The following FGB variants were observed in gnomAD, a reference collection of about 807,000 sequenced individuals.
The protein encoded by FGB is fibrinogen beta chain, also known as beta-fibrinogen.
Under a neutral mutation model 57.9 loss-of-function variants are expected in FGB, and 25 were observed. The ratio of observed to expected loss-of-function variants is 0.43; its 90% CI spans 0.31 to 0.60. The LOEUF is 0.60. Ranked by LOEUF, FGB falls within the 20% of genes least tolerant of loss-of-function variation. FGB has a pLI of 0.08. For synonymous variants in FGB, 203 were observed against 199.2 expected (o/e 1.02, Z -0.16); for missense variants, 536 against 598.4 (o/e 0.90, Z 1.09).
intron 6 of FGB, 61 bp from the exon 7 acceptor site, chr4:154,569,453 G>A: frequency 6.3e-7 from 1 of 1,590,838 alleles, no homozygotes; most frequent in Non-Finnish European, 8.6e-7. Flanking sequence ...AGGGAAGAAA[G>A]GCAGTTTTTA....
intron 1 of FGB, 128 bp from the exon 2 acceptor site, chr4:154,565,680 C>A: frequency 1.1e-6 from 1 of 919,130 alleles, no homozygotes; most frequent in Non-Finnish European, 1.7e-6. Context: ...ACCAACCAGC[C>A]AGTTGATGGA....
rs933668280 is a variant in FGB at position 154,572,526 on chromosome 4, C to A, written c.*1876C>A. The stretch of plus-strand genomic sequence containing the variant: ...AAATAAAAGGCCTTGGTTCCTTGCA[C>A]ATCCTGAGTTCCAACGGACAGGCAG... On this transcript the variant is annotated 3_prime_UTR_variant, in exon 8 of 8. Coordinates refer to ENST00000302068, the MANE Select transcript of FGB (RefSeq NM_005141.5). Among the ~76,000 whole-genome samples the A allele has an allele frequency of 1.3e-5, 2 of 152,214 alleles. No individual in the cohort carries two copies. The highest frequency in any genetic ancestry group is 2.9e-5 in the Non-Finnish European group (2 of 68,044).
chr4:154,562,996 G>T, upstream of FGB: 1 of 1,177,484 alleles, frequency 8.5e-7, no homozygotes, highest in Non-Finnish European at 1.2e-6. Flanking sequence ...ATATAGGATT[G>T]AAGATCTCTC....
rs1416465317 is a variant in FGB, at chr4:154,569,781, A to G, written c.1226A>G (p.Asp409Gly). ...AACGGCATGTTCTTCAGCACGTATG[A>G]CAGAGACAATGACGGCTGGTATGTG... Reference protein sequence around the residue: ...IHNGMFFSTYDRDNDGWLTSD... With the variant: ...IHNGMFFSTYGRDNDGWLTSD... Residue 409 changes from aspartate to glycine, a missense_variant, in exon 7 of 8, where the codon GAC becomes GGC. Around this residue, in one of 3 missense-constraint regions of FGB, gnomAD observed 177 missense variants for 193.7 expected, o/e 0.91. Transcript: ENST00000302068. 3 of 1,614,076 alleles carry G rather than the reference A, an allele frequency of 1.9e-6. No homozygotes were observed. The highest frequency in any genetic ancestry group is 1.3e-5 in the African/African-American group (1 of 74,938).
Position 154,572,759 on chromosome 4 carries a change from G to A in FGB, c.*2109G>A, listed in dbSNP as rs1328781823. On this transcript the variant is annotated 3_prime_UTR_variant, in exon 8 of 8. Transcript: ENST00000302068. ...ATTTTGGAAATATGCATACACCCAT[G>A]ATATCACTGGCACAGTCAAGATATT... Among the ~76,000 whole-genome samples the A allele has an allele frequency of 6.6e-6, 1 of 152,120 alleles. No individual in the cohort carries two copies. Among genetic ancestry groups the A allele is most frequent in the Non-Finnish European group, 1.5e-5 (1 of 68,028 alleles).
At chr4:154,566,955 GA>G (rs1316936489) in intron 3 of FGB, among the ~76,000 whole-genome samples, 4 of 152,146 alleles carry the variant, frequency 2.6e-5, no homozygotes, top group Non-Finnish European at 4.4e-5. Flanking sequence ...TTACAGAGTG[GA>G]AAAAAACCCC....
rs1730419301 is a variant in FGB, at chr4:154,571,385, C to T, written c.*735C>T. On this transcript the variant is annotated 3_prime_UTR_variant, in exon 8 of 8. Transcript: ENST00000302068. ...GCGTGGTGGCAGGTGCCTGTAGTCC[C>T]AGCTACCTGTGAGGTGGAGATTGCA... 6.6e-6 allele frequency among the ~76,000 whole-genome samples: 1 copy of T among 151,284 alleles called. No homozygotes were observed. Among genetic ancestry groups the T allele is most frequent in the Admixed American group, 6.6e-5 (1 of 15,140 alleles).
At position 154,566,472 on chromosome 4, in the gene FGB, A is replaced by G. The variant is rs1730163178; in HGVS notation, c.307-17A>G. 4 of 1,613,352 alleles carry G rather than the reference A, an allele frequency of 2.5e-6. No individual in the cohort carries two copies. Among genetic ancestry groups the G allele is most frequent in the Non-Finnish European group, 3.4e-6 (4 of 1,179,454 alleles). On this transcript the variant is annotated splice_polypyrimidine_tract_variant and intron_variant, in intron 2 of 7. Transcript: ENST00000302068. Reference sequence around the variant, plus strand: ...CCAAATCCTTCATCTAATGCCTGCTATTTTCTTTGTTTTTAGGGGGTGTTG... The same window carrying G: ...CCAAATCCTTCATCTAATGCCTGCTGTTTTCTTTGTTTTTAGGGGGTGTTG...
chr4:154,568,569 G>T, intron 5 of FGB, 75 bp downstream of exon 5: 1 of 867,806 alleles, frequency 1.2e-6, no homozygotes, highest in East Asian at 2.4e-5. Flanking sequence ...AACAAGGCCA[G>T]GTGTGGTGGC....
At chr4:154,570,014 C>G (rs1730352418) in intron 7 of FGB, among the ~76,000 whole-genome samples, 1 of 152,156 alleles carries the variant, frequency 6.6e-6, no homozygotes, top group Admixed American at 6.5e-5. Context: ...CGTGATTTGT[C>G]CAATGTCACA....
chr4:154,566,004 G>T lies in FGB; in HGVS notation c.306+5G>T. On this transcript the variant is annotated splice_donor_5th_base_variant and intron_variant, in intron 2 of 7. Coordinates refer to ENST00000302068, the MANE Select transcript of FGB (RefSeq NM_005141.5). ...CTTCACGCTGACCCAGACCTGGTGG[G>T]TGCACTGATGTTTCTTGCAGTGGTG... The T allele has an allele frequency of 1.2e-6, 2 of 1,612,374 alleles. No individual in the cohort carries two copies. The highest frequency in any genetic ancestry group is 1.7e-6 in the Non-Finnish European group (2 of 1,179,732).
At chr4:154,568,148 G>C (rs983982191) in intron 4 of FGB, among the ~76,000 whole-genome samples, 1 of 152,110 alleles carries the variant, frequency 6.6e-6, no homozygotes, top group Non-Finnish European at 1.5e-5. Flanking sequence ...GATATTCCAG[G>C]ACACAAAAGG....
intron 5 of FGB, among the ~76,000 whole-genome samples, 188 bp downstream of exon 5, chr4:154,568,682 CA>C (rs1234971217): frequency 4.4e-3 from 370 of 84,412 alleles, no homozygotes; most frequent in South Asian, 0.015. Flanking sequence ...CCTAACTCTA[CA>C]AAAAAAAAAA....
In FGB at chr4:154,570,665, A is replaced by G. The variant is rs375561591; in HGVS notation, c.*15A>G. The G allele has an allele frequency of 3.9e-5, 63 of 1,597,464 alleles. No homozygotes were observed. The Middle Eastern group carries it at 9.9e-4, about 25-fold the overall frequency. On this transcript the variant is annotated 3_prime_UTR_variant, in exon 8 of 8. Transcript: ENST00000302068. Reference sequence around the variant, plus strand: ...CACAGCAATAGTCCCCAATACGTAGATTTTTGCTCTTCTGTATGTGACAAC... The same window carrying G: ...CACAGCAATAGTCCCCAATACGTAGGTTTTTGCTCTTCTGTATGTGACAAC...
At chr4:154,570,377 C>T (rs764508231) in intron 7 of FGB, 42 bp from the exon 8 acceptor site, 11 of 1,487,162 alleles carry the variant, frequency 7.4e-6, no homozygotes, top group South Asian at 4.5e-5. Flanking sequence ...ACTTGACCAC[C>T]GTAGTTCTGT....
At chr4:154,568,282 CCTT>C in intron 4 of FGB, 96 bp from the exon 5 acceptor site, 1 of 762,412 alleles carries the variant, frequency 1.3e-6, no homozygotes, top group Non-Finnish European at 2.4e-6. Context: ...ATAACACACT[CCTT>C]AGTAACTTAT....
At chr4:154,568,524 A>C in intron 5 of FGB, 30 bp downstream of exon 5, 1 of 1,154,834 alleles carries the variant, frequency 8.7e-7, no homozygotes, top group Non-Finnish European at 1.3e-6. Context: ...TGACCTGTTG[A>C]TCTGTAATTA....
rs759534465 is a variant in FGB, at chr4:154,569,248, A to G, written c.899A>G (p.Lys300Arg). The change falls in exon 6 of 8, where the codon AAA becomes AGA. Residue 300 changes from lysine (K) to arginine (R), a missense_variant. Coordinates refer to ENST00000302068, the MANE Select transcript of FGB (RefSeq NM_005141.5). Reference protein sequence around the residue: ...VDFGRKWDPYKQGFGNVATNT... With the variant: ...VDFGRKWDPYRQGFGNVATNT... ...TTTGGCAGGAAATGGGATCCATATA[A>G]ACAGGGATTTGGAAATGTTGCAACC... 5.6e-6 allele frequency: 9 copies of G among 1,614,134 alleles called. 1 individual carries two copies. The South Asian group carries it at 9.9e-5, about 18-fold the overall frequency.
chr4:154,565,207 T>A, intron 1 of FGB: 1 of 464,954 alleles, frequency 2.2e-6, no homozygotes, highest in South Asian at 1.6e-5. Context: ...GGGGCACAGA[T>A]AAAGCAACTT....
Sources: allele counts gnomAD v4.1 joint callset (sites outside exome capture counted in the v4.1 genomes callset), GRCh38; gene constraint gnomAD v4.1.1; regional missense constraint gnomAD v4.1.1; transcripts MANE v1.5; gene names NCBI Gene and HGNC (gene_info 2026-07-23, HGNC 2026-07-21).